AP2A1: variants seen among roughly 807,000 people sequenced by gnomAD.
AP2A1 encodes the protein AP-2 complex subunit alpha-1.
Under a neutral mutation model 107.3 loss-of-function variants are expected in AP2A1, and 21 were observed. That is an observed-to-expected ratio of 0.20 (90% CI 0.14 to 0.28). AP2A1 has a LOEUF of 0.28. Ranked by LOEUF, AP2A1 falls within the 10% of genes least tolerant of loss-of-function variation. The pLI is 1.00. For synonymous variants in AP2A1, 602 were observed against 564.8 expected (o/e 1.07, Z -0.93); for missense variants, 873 against 1,307.7 (o/e 0.67, Z 5.13).
At chr19:49,790,103 A>C (rs945997108) in intron 4 of AP2A1, among the ~76,000 whole-genome samples, 2 of 152,190 alleles carry the variant, frequency 1.3e-5, no homozygotes, top group Non-Finnish European at 2.9e-5. Flanking sequence ...CGGAAGTCCA[A>C]CATCCATCTC....
chr19:49,805,337 C>A, intron 18 of AP2A1, 116 bp from the exon 19 acceptor site: 1 of 1,232,220 alleles, frequency 8.1e-7, no homozygotes, highest in Non-Finnish European at 1.1e-6. Context: ...CAGGATTGCA[C>A]CATGGGGTCC....
Position 49,805,859 on chromosome 19 carries a change from T to C in AP2A1, c.2586-13T>C. On this transcript the variant is annotated splice_polypyrimidine_tract_variant and intron_variant, in intron 20 of 22. Coordinates refer to ENST00000354293, the MANE Select transcript of AP2A1 (RefSeq NM_130787.3). ...CCGTCCAGGTCCCTGACTTGAACCT[T>C]CCCGGTCCCCAGCCCTCAACAGGAG... 1 of 1,613,570 alleles carries C rather than the reference T, an allele frequency of 6.2e-7. No individual in the cohort carries two copies. Among genetic ancestry groups the C allele is most frequent in the South Asian group, 1.1e-5 (1 of 91,090 alleles).
At position 49,795,674 on chromosome 19, in the gene AP2A1, C is replaced by T. The variant is rs943685164; in HGVS notation, c.750C>T (p.Tyr250=). 4 of 1,462,342 alleles carry T rather than the reference C, an allele frequency of 2.7e-6. No individual in the cohort carries two copies. The highest frequency in any genetic ancestry group is 1.2e-5 in the South Asian group (1 of 84,258). 90.6% of individuals were successfully genotyped at this position (1,462,342 alleles called of 1,614,324 possible). A position where few individuals can be genotyped will look rare whatever the true frequency, so the allele number is the denominator to read the frequency against. ...ASTDLQDYTY[Y]FVPAPWLSVK... ...CCGACCTCCAGGACTACACCTACTACTTCGTCCCAGCACCCTGGCTCTCGG... is the reference window on the plus strand; with the variant it reads ...CCGACCTCCAGGACTACACCTACTATTTCGTCCCAGCACCCTGGCTCTCGG... Residue 250 remains tyrosine, a synonymous_variant, in exon 7 of 23, where the codon TAC becomes TAT. Transcript: ENST00000354293.
At chr19:49,801,650 C>CCCCG in intron 13 of AP2A1, 29 bp downstream of exon 13, 1 of 1,516,052 alleles carries the variant, frequency 6.6e-7, no homozygotes, top group Non-Finnish European at 8.9e-7. Flanking sequence ...CACCCCACCC[C>CCCCG]TCTTGCACAC....
intron 11 of AP2A1, 193 bp from the exon 12 acceptor site, chr19:49,800,768 G>T: frequency 1.9e-6 from 1 of 522,740 alleles, no homozygotes; most frequent in East Asian, 3.5e-5. Flanking sequence ...ACTGCTTCCG[G>T]CCCACAGCCC....
rs1418425703 is a variant in AP2A1, at chr19:49,787,338, G to GTTTTTT, written c.474-4594_474-4589dup. Among the ~76,000 whole-genome samples the GTTTTTT allele has an allele frequency of 2.5e-4, 22 of 89,748 alleles. 1 individual carries two copies. The highest frequency in any genetic ancestry group is 5.4e-4 in the African/African-American group (11 of 20,326). 58.9% of individuals were successfully genotyped at this position (89,748 alleles called of 152,430 possible). A position where few individuals can be genotyped will look rare whatever the true frequency, so the allele number is the denominator to read the frequency against. On this transcript the variant is annotated intron_variant, in intron 4 of 22. Transcript: ENST00000354293. ...ACTCCCATCTAGGCTTTTTTTGTTTGTTTTTTTTGTTTTTTGTTTTTTTTT... is the reference window on the plus strand; with the variant it reads ...ACTCCCATCTAGGCTTTTTTTGTTTGTTTTTTTTTTTTTTGTTTTTTGTTTTTTTTT...
In AP2A1 at chr19:49,785,550, A is replaced by C. The variant is rs141400868; in HGVS notation, c.473+2826A>C. ...CATCTGAGTAGGACTCTGGGGAGGA[A>C]GTTGGATTGCAGGGAGTCAGGGCGG... is the stretch of plus-strand genomic sequence containing the variant. On this transcript the variant is annotated intron_variant, in intron 4 of 22. Coordinates refer to ENST00000354293, the MANE Select transcript of AP2A1 (RefSeq NM_130787.3). The surrounding 1 kb of genome is among the most constrained non-coding windows in gnomAD (Gnocchi z 4.1). Among the ~76,000 whole-genome samples the C allele has an allele frequency of 6.5e-3, 994 of 152,116 alleles. 6 individuals are homozygous for C. The highest frequency in any genetic ancestry group is 0.023 in the African/African-American group (941 of 41,514).
intron 7 of AP2A1, chr19:49,796,977 C>G (rs543099353): frequency 1.3e-5 from 2 of 152,206 alleles, no homozygotes; most frequent in Admixed American, 6.5e-5. Flanking sequence ...GTGTGTGAAG[C>G]CAGTGATGAA....
At chr19:49,805,323 A>G in intron 18 of AP2A1, 130 bp from the exon 19 acceptor site, 2 of 1,096,354 alleles carry the variant, frequency 1.8e-6, no homozygotes, top group Non-Finnish European at 1.3e-6. Context: ...TGTAGGATTG[A>G]GTCCAGGATT....
chr19:49,801,736 G>C lies in AP2A1; in HGVS notation c.1800G>C (p.Glu600Asp). The part of the protein sequence containing the change: ...ASTDVLATVL[E>D]EMPPFPERES... ...GACCGCGCCAGGCCACGGTGCTGGAGGAGATGCCGCCCTTCCCCGAGCGCG... is the reference window on the plus strand; with the variant it reads ...GACCGCGCCAGGCCACGGTGCTGGACGAGATGCCGCCCTTCCCCGAGCGCG... Residue 600 changes from glutamate to aspartate, a missense_variant, in exon 14 of 23, where the codon GAG becomes GAC. By Grantham distance (45) the Glu-to-Asp change is conservative. This residue lies in a region of AP2A1 where 213 missense variants were observed against 443.5 expected (regional missense o/e 0.48). Coordinates refer to ENST00000354293, the MANE Select transcript of AP2A1 (RefSeq NM_130787.3). 1.3e-6 allele frequency: 2 copies of C among 1,567,382 alleles called. No homozygotes were observed. Among genetic ancestry groups the C allele is most frequent in the Non-Finnish European group, 1.7e-6 (2 of 1,158,400 alleles).
intron 4 of AP2A1, 94 bp from the exon 5 acceptor site, chr19:49,791,841 C>A (rs1347839466): frequency 3.8e-5 from 56 of 1,480,036 alleles, no homozygotes; most frequent in Non-Finnish European, 4.9e-5. Context: ...GCTGGCCTCG[C>A]ACACCCTTCC....
chr19:49,787,354 GT>G (rs1175245045), intron 4 of AP2A1, among the ~76,000 whole-genome samples: 28 of 94,480 alleles, frequency 3.0e-4, no homozygotes, highest in Admixed American at 4.8e-4. Context: ...TTTGTTTTTT[GT>G]TTTTTTTTTT....
rs1215040782 is a variant in AP2A1 at position 49,802,508 on chromosome 19, G to C, written c.2114+367G>C. The C allele has an allele frequency of 1.9e-6, 3 of 1,603,562 alleles. No individual in the cohort carries two copies. The Admixed American group carries it at 5.0e-5, about 27-fold the overall frequency. On this transcript the variant is annotated intron_variant, in intron 15 of 22. Coordinates refer to ENST00000354293, the MANE Select transcript of AP2A1 (RefSeq NM_130787.3). ...CTGCCTGCCACGCCTGTCTTCTCTT[G>C]TCTGCTCTGGGATTGGATGGCTCAG...
At chr19:49,781,729 A>T (rs772525052) in intron 1 of AP2A1, 28 bp from the exon 2 acceptor site, 7 of 1,568,126 alleles carry the variant, frequency 4.5e-6, no homozygotes, top group Non-Finnish European at 6.1e-6. Flanking sequence ...CAGACCCCTC[A>T]CTGCCTACCC....
chr19:49,795,607 T>G, intron 6 of AP2A1, 23 bp from the exon 7 acceptor site: 1 of 628,646 alleles, frequency 1.6e-6, no homozygotes, highest in Non-Finnish European at 2.7e-6. Context: ...GCCCCCAACT[T>G]ATTTCTTGCT....
chr19:49,783,252 G>T (rs1600223546), intron 4 of AP2A1, among the ~76,000 whole-genome samples: 1 of 152,176 alleles, frequency 6.6e-6, no homozygotes, highest in African/African-American at 2.4e-5. Flanking sequence ...ATTTGGGGAG[G>T]CTGAGGCAGG....
intron 9 of AP2A1, 39 bp downstream of exon 9, chr19:49,799,534 C>G (rs761406630): frequency 3.1e-6 from 5 of 1,605,358 alleles, no homozygotes; most frequent in Non-Finnish European, 4.2e-6. Context: ...CTGCCACCCC[C>G]CTCAGAAAGA....
intron 1 of AP2A1, among the ~76,000 whole-genome samples, chr19:49,772,246 GTTTTTTTTTTTTTTTTTT>G (rs71180653): frequency 5.3e-5 from 3 of 56,156 alleles, no homozygotes; most frequent in Admixed American, 2.9e-4. Context: ...TTTTCATAGA[GTTTTTTTTTTTTTTTTTT>G]TTTTTTTTTT....
intron 4 of AP2A1, among the ~76,000 whole-genome samples, chr19:49,787,600 C>T (rs994561800): frequency 2.6e-5 from 4 of 151,756 alleles, no homozygotes; most frequent in African/African-American, 9.7e-5. Context: ...CCATCTGCCT[C>T]AGCCTCCCAA....
Sources: gnomAD v4.1 joint callset for allele counts (sites outside exome capture counted in the v4.1 genomes callset) on GRCh38, gnomAD v4.1.1 for gene constraint, gnomAD v4.1.1 regional missense constraint, Gnocchi (gnomAD v3.1) non-coding constraint, MANE v1.5 for transcripts, NCBI Gene and HGNC (gene_info 2026-07-23, HGNC 2026-07-21) for gene names.